The following ACSS3 variants were observed in gnomAD, a reference collection of about 807,000 sequenced individuals.
ACSS3 encodes acyl-CoA synthetase short-chain family member 3, mitochondrial.
Under a neutral mutation model 84.2 loss-of-function variants are expected in ACSS3, and 64 were observed. That is an observed-to-expected ratio of 0.76 (90% confidence interval 0.62 to 0.94). The LOEUF (loss-of-function observed/expected upper bound fraction) is 0.94. Ranked by LOEUF, ACSS3 falls within the 40% of genes least tolerant of loss-of-function variation. ACSS3 has a pLI of 0.00. For synonymous variants in ACSS3, 317 were observed against 310.1 expected, an observed-to-expected ratio of 1.02 and a Z score of -0.23; for missense variants, 815 against 867.6, an observed-to-expected ratio of 0.94 and a Z score of 0.76.
chr12:81,231,867 C>A (rs1226055330), intron 12 of ACSS3, among the ~76,000 whole-genome samples: 2 of 151,474 alleles, frequency 1.3e-5, no homozygotes, highest in Non-Finnish European at 3.0e-5. Flanking sequence ...ACTACCACCC[C>A]CCACCCCCAC....
At chr12:81,083,253 C>A (rs1881098876) in intron 1 of ACSS3, among the ~76,000 whole-genome samples, 1 of 152,088 alleles carries the variant, frequency 6.6e-6, no homozygotes, top group African/African-American at 2.4e-5. Context: ...TGAAAGCCTG[C>A]AGGTAGGCTT....
At chr12:81,103,230 A>G (rs1368395351) in intron 1 of ACSS3, among the ~76,000 whole-genome samples, 2 of 152,242 alleles carry the variant, frequency 1.3e-5, no homozygotes, top group East Asian at 1.9e-4. Flanking sequence ...GAGGCAAACT[A>G]TGAAACTACA....
intron 8 of ACSS3, among the ~76,000 whole-genome samples, chr12:81,181,611 G>C (rs2030927127): frequency 6.6e-6 from 1 of 151,846 alleles, no homozygotes; most frequent in African/African-American, 2.4e-5. Flanking sequence ...AACCAAGAGA[G>C]ACAAAATAGT....
chr12:81,246,194 C>T (rs2033980486), intron 13 of ACSS3, among the ~76,000 whole-genome samples: 2 of 152,100 alleles, frequency 1.3e-5, no homozygotes, highest in South Asian at 2.1e-4. Context: ...ATGTGTTGTA[C>T]AGCTAGTGTG....
chr12:81,232,813 A>G (rs2033510111), intron 12 of ACSS3, among the ~76,000 whole-genome samples: 1 of 151,764 alleles, frequency 6.6e-6, no homozygotes, highest in African/African-American at 2.4e-5. Flanking sequence ...TATTATTCTT[A>G]TTCTACTGTC....
intron 9 of ACSS3, among the ~76,000 whole-genome samples, chr12:81,215,480 A>C (rs1882189): frequency 0.32 from 48,964 of 152,058 alleles, 9,723 homozygotes; most frequent in Non-Finnish European, 0.45. Flanking sequence ...TGGAAGGTAA[A>C]GAGCAGTAAT....
chr12:81,181,360 C>T (rs902432611), intron 8 of ACSS3, among the ~76,000 whole-genome samples: 1 of 152,174 alleles, frequency 6.6e-6, no homozygotes, highest in East Asian at 1.9e-4. Context: ...TCTGCCCAAC[C>T]GATGCCCTCC....
At chr12:81,122,200 G>T (rs1241626910) in intron 2 of ACSS3, among the ~76,000 whole-genome samples, 1 of 151,880 alleles carries the variant, frequency 6.6e-6, no homozygotes, top group Non-Finnish European at 1.5e-5. Flanking sequence ...CAAACTGCTG[G>T]GATTACAGGC....
intron 7 of ACSS3, among the ~76,000 whole-genome samples, chr12:81,155,934 C>T (rs1289858256): frequency 3.3e-5 from 5 of 152,090 alleles, no homozygotes; most frequent in Admixed American, 2.0e-4. Flanking sequence ...AAACTATTCT[C>T]GACAGCAGCA....
intron 7 of ACSS3, among the ~76,000 whole-genome samples, chr12:81,152,754 G>GT (rs1377502073): frequency 2.0e-5 from 3 of 152,096 alleles, no homozygotes; most frequent in Admixed American, 2.0e-4. Context: ...TAATATGGTA[G>GT]TTTGCTAAAT....
chr12:81,213,505 C>T (rs2032676190), intron 9 of ACSS3, among the ~76,000 whole-genome samples: 1 of 151,430 alleles, frequency 6.6e-6, no homozygotes, highest in Non-Finnish European at 1.5e-5. Context: ...GTCCTAGGAA[C>T]TGCCATTTTG....
intron 1 of ACSS3, among the ~76,000 whole-genome samples, chr12:81,084,998 G>A (rs1435047615): frequency 6.6e-6 from 1 of 151,442 alleles, no homozygotes; most frequent in Admixed American, 6.5e-5. Flanking sequence ...GCAGTATGGT[G>A]GTATCTGGGT....
chr12:81,212,424 GAC>G (rs1299443209), intron 9 of ACSS3, among the ~76,000 whole-genome samples: 1 of 152,198 alleles, frequency 6.6e-6, no homozygotes, highest in African/African-American at 2.4e-5. Context: ...CCTCTACTGA[GAC>G]ACAGTCTAGG....
chr12:81,149,776 T>C (rs533047771), intron 5 of ACSS3, among the ~76,000 whole-genome samples: 2 of 152,328 alleles, frequency 1.3e-5, no homozygotes, highest in South Asian at 4.1e-4. Context: ...CTAATTATTT[T>C]GACATTTATG....
At position 81,245,335 on chromosome 12, in the gene ACSS3, G is replaced by A. The variant is rs192325401; in HGVS notation, c.1720-7972G>A. 2.2e-4 allele frequency among the ~76,000 whole-genome samples: 33 copies of A among 152,260 alleles called. No individual in the cohort carries two copies. In the East Asian group the frequency reaches 4.7e-3, roughly 21 times the overall value. On this transcript the variant is annotated intron_variant, in intron 13 of 15. Coordinates refer to ENST00000548058, the MANE Select transcript of ACSS3 (RefSeq NM_024560.4). ...AAATTAGCCAGGCGTGGTGGTGGGC[G>A]ACTGTAGTCCCAACTACTCGGGAGG...
chr12:81,179,308 AC>A (rs71098129), intron 8 of ACSS3, among the ~76,000 whole-genome samples: 5 of 54,038 alleles, frequency 9.3e-5, no homozygotes, highest in Non-Finnish European at 2.0e-4. Flanking sequence ...AAAAAAAAAC[AC>A]AAAAAAAACC....
In ACSS3 at chr12:81,253,498, T is replaced by C. The variant is rs1409900442; in HGVS notation, c.1823T>C (p.Ile608Thr). ...PLALCVLRKD[I>T]NATEEQVLEE... The stretch of plus-strand genomic sequence containing the variant: ...ACCATCTGAACTTTCTCTCTAGATA[T>C]AAATGCAACAGAGGAGCAAGTTTTG... The change falls in exon 15 of 16, where the codon ATA (isoleucine) becomes ACA (threonine). Residue 608 changes from isoleucine (I) to threonine (T), a missense_variant. Ile to Thr is a moderately conservative substitution (Grantham distance 89). Transcript: ENST00000548058. The C allele has an allele frequency of 3.7e-6, 6 of 1,613,650 alleles. No homozygotes were observed. The highest frequency in any genetic ancestry group is 1.1e-5 in the South Asian group (1 of 91,078).
At chr12:81,168,550 T>G (rs1473375246) in intron 7 of ACSS3, among the ~76,000 whole-genome samples, 1 of 152,174 alleles carries the variant, frequency 6.6e-6, no homozygotes, top group African/African-American at 2.4e-5. Context: ...AGTGATACTC[T>G]TTAAAGGTCT....
intron 13 of ACSS3, among the ~76,000 whole-genome samples, chr12:81,248,975 C>T (rs1369259632): frequency 6.6e-6 from 1 of 151,964 alleles, no homozygotes; most frequent in African/African-American, 2.4e-5. Context: ...TTTCTGTTCT[C>T]ATCATAAGAA....
Sources: allele counts gnomAD v4.1 joint callset (sites outside exome capture counted in the v4.1 genomes callset), GRCh38; gene constraint gnomAD v4.1.1; transcripts MANE v1.5; gene names NCBI Gene and HGNC (gene_info 2026-07-23, HGNC 2026-07-21).